The following ZNF461 variants were observed in gnomAD, a reference collection of about 807,000 sequenced individuals.
ZNF461 encodes the protein zinc finger protein 461.
A neutral mutation model predicts 18.3 loss-of-function variants in ZNF461; 16 were observed. The observed-to-expected ratio is 0.88, with a 90% CI of 0.59 to 1.33. ZNF461 has a LOEUF of 1.33. ZNF461 is among the 40% of genes most tolerant of loss of function. ZNF461 has a pLI of 0.00. For missense variants in ZNF461, 595 were observed against 669.9 expected, an observed-to-expected ratio of 0.89 and a Z score of 1.23; for synonymous variants, 179 against 216.9, an observed-to-expected ratio of 0.83 and a Z score of 1.54.
In ZNF461 at chr19:36,638,928, T is replaced by C. The variant is rs577850320; in HGVS notation, c.1417A>G (p.Ile473Val). 6.2e-6 allele frequency: 10 copies of C among 1,606,624 alleles called. No individual in the cohort carries two copies. Among genetic ancestry groups the C allele is most frequent in the East Asian group, 4.5e-5 (2 of 44,754 alleles). The change falls in exon 6 of 6, where the codon ATA (isoleucine) becomes GTA (valine). Residue 473 changes from isoleucine to valine, a missense_variant. Ile to Val is a conservative substitution (Grantham distance 29). Transcript: ENST00000588268. ...HTGEKPHECM[I>V]CGKAFRLHSH... The stretch of plus-strand genomic sequence containing the variant: ...TGAAGTCTAAAGGCCTTACCACATA[T>C]CATGCATTCATGAGGTTTCTCACCA...
chr19:36,642,871 C>T (rs1055608528), intron 5 of ZNF461, among the ~76,000 whole-genome samples: 1 of 151,848 alleles, frequency 6.6e-6, no homozygotes, highest in African/African-American at 2.4e-5. Flanking sequence ...TCTCCTGCCT[C>T]GGCTTCCCAA....
At chr19:36,649,359 T>C (rs185621135) in intron 4 of ZNF461, among the ~76,000 whole-genome samples, 1 of 152,220 alleles carries the variant, frequency 6.6e-6, no homozygotes, top group African/African-American at 2.4e-5. Context: ...AGACAGAGTC[T>C]CACTCTTGGC....
At chr19:36,642,225 C>A (rs2037438582) in intron 5 of ZNF461, among the ~76,000 whole-genome samples, 1 of 152,138 alleles carries the variant, frequency 6.6e-6, no homozygotes, top group Admixed American at 6.6e-5. Context: ...AGCCACCACA[C>A]CAGACCCATT....
At chr19:36,658,472 T>G in intron 2 of ZNF461, 47 bp from the exon 3 acceptor site, 1 of 1,529,534 alleles carries the variant, frequency 6.5e-7, no homozygotes, top group Non-Finnish European at 8.8e-7. Flanking sequence ...TAAGAAATGT[T>G]TTTAAAAAGA....
At chr19:36,666,062 G>T (rs918638253) in intron 1 of ZNF461, among the ~76,000 whole-genome samples, 1 of 151,822 alleles carries the variant, frequency 6.6e-6, no homozygotes, top group South Asian at 2.1e-4. Flanking sequence ...CTGCCTGATC[G>T]TGTGAGCCTG....
At chr19:36,656,051 G>T (rs1320585735) in intron 4 of ZNF461, among the ~76,000 whole-genome samples, 1 of 145,792 alleles carries the variant, frequency 6.9e-6, no homozygotes, top group African/African-American at 2.5e-5. Context: ...AGGCGGGAGT[G>T]CTGTGGCGCG....
At chr19:36,643,949 T>TACAA in intron 4 of ZNF461, 87 bp from the exon 5 acceptor site, 1 of 1,144,004 alleles carries the variant, frequency 8.7e-7, no homozygotes, top group South Asian at 2.2e-5. Context: ...CTTTTTCTTT[T>TACAA]TAGACAGAGT....
At chr19:36,662,382 G>A (rs1279732399) in intron 2 of ZNF461, among the ~76,000 whole-genome samples, 3 of 151,776 alleles carry the variant, frequency 2.0e-5, no homozygotes, top group Admixed American at 1.3e-4. Context: ...TCAGCCTCCC[G>A]AGTAGCTGGG....
intron 2 of ZNF461, among the ~76,000 whole-genome samples, chr19:36,659,897 A>C (rs1035251080): frequency 3.3e-5 from 5 of 152,142 alleles, no homozygotes; most frequent in African/African-American, 1.2e-4. Context: ...TCCTATCTCC[A>C]TCTAATTCTA....
chr19:36,638,528 CTT>C lies in ZNF461; in HGVS notation c.*123_*124del. On this transcript the variant is annotated 3_prime_UTR_variant, in exon 6 of 6. Coordinates refer to ENST00000588268, the MANE Select transcript of ZNF461 (RefSeq NM_153257.5). ...CCAAAATTTACACTTTAGTTATCCA[CTT>C]TCTCACTTAAAAACATTTGATTTTC... The C allele has an allele frequency of 1.3e-6, 1 of 769,018 alleles. No homozygotes were observed. The highest frequency in any genetic ancestry group is 2.0e-6 in the Non-Finnish European group (1 of 511,586). The allele number at this position is 769,018 out of a possible 1,614,324, so 47.6% of individuals were successfully genotyped here.
rs767835675 is a variant in ZNF461 at position 36,639,420 on chromosome 19, C to A, written c.925G>T (p.Ala309Ser). The A allele has an allele frequency of 1.9e-6, 3 of 1,613,702 alleles. No individual in the cohort carries two copies. Among genetic ancestry groups the A allele is most frequent in the East Asian group, 2.2e-5 (1 of 44,846 alleles). ...GTAAGCTGTGATCGCTGTCTAAAGGCCTTCCCACATTCTTTACATTCATAA... is the reference window on the plus strand; with the variant it reads ...GTAAGCTGTGATCGCTGTCTAAAGGACTTCCCACATTCTTTACATTCATAA... ...KPYECKECGK[A>S]FRQRSQLTQH... The change falls in exon 6 of 6, where the codon GCC becomes TCC. Residue 309 changes from alanine to serine, a missense_variant. Coordinates refer to ENST00000588268, the MANE Select transcript of ZNF461 (RefSeq NM_153257.5).
At position 36,636,766 on chromosome 19, in the gene ZNF461, A is replaced by G; in HGVS notation, c.*1887T>C. Among the ~76,000 whole-genome samples the G allele has an allele frequency of 6.6e-6, 1 of 152,228 alleles. No homozygotes were observed. The highest frequency in any genetic ancestry group is 1.5e-5 in the Non-Finnish European group (1 of 68,038). ...GGGGTGAAACAGTGAAAGGGGGGCAATGGCAGTTTAGGTACATTTTCTTTG... is the reference window on the plus strand; with the variant it reads ...GGGGTGAAACAGTGAAAGGGGGGCAGTGGCAGTTTAGGTACATTTTCTTTG... On this transcript the variant is annotated 3_prime_UTR_variant, in exon 6 of 6. Transcript: ENST00000588268.
rs533176383 is a variant in ZNF461, at chr19:36,639,017, C to T, written c.1328G>A (p.Cys443Tyr). 2.5e-6 allele frequency: 4 copies of T among 1,614,118 alleles called. No individual in the cohort carries two copies. The highest frequency in any genetic ancestry group is 3.4e-6 in the Non-Finnish European group (4 of 1,180,028). Residue 443 changes from cysteine to tyrosine, a missense_variant, in exon 6 of 6, where the codon TGT (cysteine) becomes TAT (tyrosine). Transcript: ENST00000588268. ...RIHTGEKPYE[C>Y]KECGKTFRQC... The stretch of plus-strand genomic sequence containing the variant: ...TCTAAAAGTCTTCCCACATTCCTTA[C>T]ACTCATAGGGTTTCTCACCAGTATG...
chr19:36,642,862 C>T (rs937359838), intron 5 of ZNF461, among the ~76,000 whole-genome samples: 1 of 151,880 alleles, frequency 6.6e-6, no homozygotes, highest in Non-Finnish European at 1.5e-5. Flanking sequence ...TCAAGTGATT[C>T]TCCTGCCTCG....
At position 36,656,526 on chromosome 19, in the gene ZNF461, G is replaced by A; in HGVS notation, c.154C>T (p.Pro52Ser). The A allele has an allele frequency of 6.2e-7, 1 of 1,613,944 alleles. No individual in the cohort carries two copies. The highest frequency in any genetic ancestry group is 8.5e-7 in the Non-Finnish European group (1 of 1,179,936). The stretch of plus-strand genomic sequence containing the variant: ...TGCTCCAATGAGGAGATTACGGCTG[G>A]CTTAGAAACAGAAAGTCCTAGTTAT... Reference protein sequence around the residue: ...LVSLGLSVSKPAVISSLEQGK... With the variant: ...LVSLGLSVSKSAVISSLEQGK... The change falls in exon 4 of 6, where the codon CCA (proline) becomes TCA (serine). Residue 52 changes from proline (P) to serine (S), a missense_variant. Transcript: ENST00000588268.
chr19:36,639,353 C>A lies in ZNF461; in HGVS notation c.992G>T (p.Cys331Phe), dbSNP rs1171160520. The change falls in exon 6 of 6, where the codon TGT becomes TTT. Residue 331 changes from cysteine (C) to phenylalanine (F), a missense_variant. By Grantham distance (205) the Cys-to-Phe change is radical. Coordinates refer to ENST00000588268, the MANE Select transcript of ZNF461 (RefSeq NM_153257.5). ...AATAAAAGCCTTCCCACATTGCTTA[C>A]ATTCATAGGGTTTTTCACCAGTATG... Reference protein sequence around the residue: ...RLHTGEKPYECKQCGKAFIRG... With the variant: ...RLHTGEKPYEFKQCGKAFIRG... 1.2e-6 allele frequency: 2 copies of A among 1,614,104 alleles called. No homozygotes were observed. The highest frequency in any genetic ancestry group is 2.2e-5 in the South Asian group (2 of 91,070).
rs76015016 is a variant in ZNF461 at position 36,666,095 on chromosome 19, G to T, written c.-81+595C>A. On this transcript the variant is annotated intron_variant, in intron 1 of 5. Coordinates refer to ENST00000588268, the MANE Select transcript of ZNF461 (RefSeq NM_153257.5). The stretch of plus-strand genomic sequence containing the variant: ...CTGAGGATAACGTGAATGTTTTTTT[G>T]TTTTTTTTTTTTTGAGACAGTTTCG... 4.6e-3 allele frequency among the ~76,000 whole-genome samples: 648 copies of T among 141,416 alleles called. 1 individual carries two copies. Among genetic ancestry groups the T allele is most frequent in the African/African-American group, 0.011 (413 of 38,686 alleles). The allele number at this position is 141,416 out of a possible 152,430, so 92.8% of individuals were successfully genotyped here. A position where few individuals can be genotyped will look rare whatever the true frequency, so the allele number is the denominator to read the frequency against.
At chr19:36,640,093 A>G (rs1326196984) in intron 5 of ZNF461, 50 bp from the exon 6 acceptor site, 1 of 1,448,526 alleles carries the variant, frequency 6.9e-7, no homozygotes, top group East Asian at 2.3e-5. Context: ...CTATAAGAGA[A>G]ATAAAATATC....
At chr19:36,650,926 A>G (rs2037614356) in intron 4 of ZNF461, among the ~76,000 whole-genome samples, 1 of 150,692 alleles carries the variant, frequency 6.6e-6, no homozygotes, top group South Asian at 2.1e-4. Context: ...TATAATATAA[A>G]GTATCTACAA....
Sources: gnomAD v4.1 joint callset for allele counts (sites outside exome capture counted in the v4.1 genomes callset) on GRCh38, gnomAD v4.1.1 for gene constraint, MANE v1.5 for transcripts, NCBI Gene and HGNC (gene_info 2026-07-23, HGNC 2026-07-21) for gene names.